Variants in SYCE3 observed in about 807,000 individuals in gnomAD.
SYCE3 encodes the protein synaptonemal complex central element protein 3, also known as testis highly expressed gene 2 protein.
SYCE3 carries 3 observed loss-of-function variants against 8.1 expected under a neutral mutation model. The ratio of observed to expected loss-of-function variants is 0.37; its 90% CI spans 0.17 to 0.96. SYCE3 has a LOEUF of 0.96. Among genes scored for constraint, SYCE3 ranks in the 40% least tolerant of loss-of-function variants. The probability of loss-of-function intolerance (pLI) is 0.41; values close to 1 mark genes in which losing one functional copy is unlikely to be tolerated. For synonymous variants in SYCE3, 36 were observed against 38.7 expected, an observed-to-expected ratio of 0.93 and a Z score of 0.26; for missense variants, 83 against 110.0, an observed-to-expected ratio of 0.75 and a Z score of 1.10.
Position 50,556,278 on chromosome 22 carries a change from T to G in SYCE3, c.109+19A>C, listed in dbSNP as rs1478065670. ...TGATTGAGACCTGTCTCAGATACTTTTGGGTTCACACATCCTACCTGAGAT... is the reference window on the plus strand; with the variant it reads ...TGATTGAGACCTGTCTCAGATACTTGTGGGTTCACACATCCTACCTGAGAT... On this transcript the variant is annotated intron_variant, in intron 2 of 2. Transcript: ENST00000406915. 6.6e-6 allele frequency: 10 copies of G among 1,516,066 alleles called. No individual in the cohort carries two copies. The highest frequency in any genetic ancestry group is 9.0e-6 in the Non-Finnish European group (10 of 1,115,436). 93.9% of individuals were successfully genotyped at this position (1,516,066 alleles called of 1,614,324 possible). A position where few individuals can be genotyped will look rare whatever the true frequency, so the allele number is the denominator to read the frequency against.
At chr22:50,559,394 T>C (rs2146598478) in intron 1 of SYCE3, among the ~76,000 whole-genome samples, 1 of 152,308 alleles carries the variant, frequency 6.6e-6, no homozygotes, top group African/African-American at 2.4e-5. Context: ...TCCCAAGTCC[T>C]GGGATTACAG....
In SYCE3 at chr22:50,551,158, C is replaced by A; in HGVS notation, c.*87G>T. ...TAAGAAACAAGTACAGTGCATACAGCTATTCATGTGGGTGCCAGCTCCATC... is the reference window on the plus strand; with the variant it reads ...TAAGAAACAAGTACAGTGCATACAGATATTCATGTGGGTGCCAGCTCCATC... On this transcript the variant is annotated 3_prime_UTR_variant, in exon 3 of 3. Transcript: ENST00000406915. 1 of 1,482,670 alleles carries A rather than the reference C, an allele frequency of 6.7e-7. No homozygotes were observed. Among genetic ancestry groups the A allele is most frequent in the South Asian group, 1.3e-5 (1 of 78,026 alleles). 91.8% of individuals were successfully genotyped at this position (1,482,670 alleles called of 1,614,324 possible).
At chr22:50,552,420 A>AG (rs1400424994) in intron 2 of SYCE3, among the ~76,000 whole-genome samples, 4 of 152,118 alleles carry the variant, frequency 2.6e-5, no homozygotes, top group Non-Finnish European at 5.9e-5. Flanking sequence ...TGGGAGGCCA[A>AG]GGGGGGTAGA....
intron 1 of SYCE3, among the ~76,000 whole-genome samples, chr22:50,558,861 G>C (rs939761680): frequency 1.3e-5 from 2 of 152,172 alleles, no homozygotes; most frequent in African/African-American, 4.8e-5. Flanking sequence ...ATCTGTCTCT[G>C]ACATTCACTG....
At chr22:50,559,128 C>CTT (rs955059355) in intron 1 of SYCE3, among the ~76,000 whole-genome samples, 3 of 145,760 alleles carry the variant, frequency 2.1e-5, no homozygotes, top group African/African-American at 2.5e-5. Flanking sequence ...ACTACACACT[C>CTT]TTTTTTTTTT....
Position 50,551,336 on chromosome 22 carries a change from A to G in SYCE3, c.176T>C (p.Met59Thr), listed in dbSNP as rs1380601427. ...GACGAAGGCATCCTCCAGCCGACGC[A>G]TGGACTCGGCCAGCGTAGGGTTGGT... ...MRTNPTLAESMRRLEDAFVNC... is the reference protein window; with the variant it reads ...MRTNPTLAESTRRLEDAFVNC... Residue 59 changes from methionine (M) to threonine (T), a missense_variant, in exon 3 of 3, where the codon ATG (methionine) becomes ACG (threonine). By Grantham distance (81) the Met-to-Thr change is moderately conservative. Coordinates refer to ENST00000406915, the MANE Select transcript of SYCE3 (RefSeq NM_001123225.3). The G allele has an allele frequency of 3.9e-6, 6 of 1,551,308 alleles. No individual in the cohort carries two copies. Among genetic ancestry groups the G allele is most frequent in the East Asian group, 4.9e-5 (2 of 40,906 alleles).
Position 50,555,759 on chromosome 22 carries a change from T to C in SYCE3, c.109+538A>G, listed in dbSNP as rs947660069. ...TAACCTGGAATCATCCCCCTTTGAG[T>C]TGTCCCACCTTTCCAGATCGAACCA... On this transcript the variant is annotated intron_variant, in intron 2 of 2. Coordinates refer to ENST00000406915, the MANE Select transcript of SYCE3 (RefSeq NM_001123225.3). Among the ~76,000 whole-genome samples the C allele has an allele frequency of 4.6e-5, 7 of 151,990 alleles. No individual in the cohort carries two copies. In the East Asian group the frequency reaches 5.8e-4, roughly 13 times the overall value.
chr22:50,558,345 C>G (rs1051244480), intron 1 of SYCE3, among the ~76,000 whole-genome samples: 1 of 151,886 alleles, frequency 6.6e-6, no homozygotes, highest in East Asian at 1.9e-4. Context: ...GCAGGAGAAT[C>G]GCTTGAACCC....
At chr22:50,554,512 G>T (rs2069839797) in intron 2 of SYCE3, among the ~76,000 whole-genome samples, 2 of 151,638 alleles carry the variant, frequency 1.3e-5, no homozygotes, top group Non-Finnish European at 2.9e-5. Flanking sequence ...TGGCCAAAAT[G>T]GTGAAACTTC....
chr22:50,558,252 A>T (rs131770), intron 1 of SYCE3, among the ~76,000 whole-genome samples: 2 of 151,834 alleles, frequency 1.3e-5, no homozygotes, highest in African/African-American at 4.8e-5. Context: ...GGTGAAACCC[A>T]GTCTCTACTA....
chr22:50,557,256 A>C (rs2069869806), intron 1 of SYCE3, among the ~76,000 whole-genome samples: 1 of 151,094 alleles, frequency 6.6e-6, no homozygotes, highest in South Asian at 2.1e-4. Context: ...TCCTGGGTTC[A>C]AGTGATTCTC....
chr22:50,560,455 G>A (rs1217760899), intron 1 of SYCE3, among the ~76,000 whole-genome samples: 1 of 152,058 alleles, frequency 6.6e-6, no homozygotes, highest in South Asian at 2.1e-4. Context: ...GATCCCCTCT[G>A]CAAAATGAAA....
At chr22:50,558,876 T>C (rs2069886518) in intron 1 of SYCE3, among the ~76,000 whole-genome samples, 1 of 152,226 alleles carries the variant, frequency 6.6e-6, no homozygotes, top group Non-Finnish European at 1.5e-5. Context: ...TCACTGACAA[T>C]GCTCTCACCA....
chr22:50,560,579 A>C (rs978614947), intron 1 of SYCE3, among the ~76,000 whole-genome samples: 1 of 152,218 alleles, frequency 6.6e-6, no homozygotes, highest in Non-Finnish European at 1.5e-5. Context: ...TAATTAATGG[A>C]TCATTAGACA....
At chr22:50,560,578 G>A (rs1162519989) in intron 1 of SYCE3, among the ~76,000 whole-genome samples, 1 of 152,192 alleles carries the variant, frequency 6.6e-6, no homozygotes, top group African/African-American at 2.4e-5. Context: ...ATAATTAATG[G>A]ATCATTAGAC....
chr22:50,551,567 A>G (rs538966347), intron 2 of SYCE3, among the ~76,000 whole-genome samples, 165 bp from the exon 3 acceptor site: 1 of 152,334 alleles, frequency 6.6e-6, no homozygotes, highest in African/African-American at 2.4e-5. Context: ...TACTTGTTAC[A>G]GGCTCATAAA....
intron 2 of SYCE3, among the ~76,000 whole-genome samples, chr22:50,554,693 C>CAAAA (rs35905749): frequency 5.1e-5 from 4 of 78,532 alleles, no homozygotes; most frequent in Non-Finnish European, 7.0e-5. Context: ...GACTCCGTCT[C>CAAAA]AAAAAAAAAA....
At chr22:50,555,240 C>T (rs60997532) in intron 2 of SYCE3, among the ~76,000 whole-genome samples, 12,726 of 152,182 alleles carry the variant, frequency 0.084, 1,182 homozygotes, top group African/African-American at 0.23. Context: ...AAAATAAACT[C>T]TCTAAATTAA....
At chr22:50,554,548 G>T (rs1483498358) in intron 2 of SYCE3, among the ~76,000 whole-genome samples, 2 of 151,952 alleles carry the variant, frequency 1.3e-5, no homozygotes, top group Middle Eastern at 3.2e-3. Flanking sequence ...ACAAAAATTA[G>T]CTGGGCATGG....
Sources: allele counts gnomAD v4.1 joint callset (sites outside exome capture counted in the v4.1 genomes callset), GRCh38; gene constraint gnomAD v4.1.1; transcripts MANE v1.5; gene names NCBI Gene and HGNC (gene_info 2026-07-23, HGNC 2026-07-21).